Variants in TDRP observed in about 807,000 individuals in gnomAD.
The protein encoded by TDRP is testis development-related protein.
A neutral mutation model predicts 10.5 loss-of-function variants in TDRP; 12 were observed. The ratio of observed to expected loss-of-function variants is 1.15; its 90% CI spans 0.73 to 1.86. The LOEUF (loss-of-function observed/expected upper bound fraction) is 1.86. Among genes scored for constraint, TDRP ranks in the 40% most tolerant of loss-of-function variants. The pLI, the probability that TDRP is intolerant of heterozygous loss-of-function variation, is 0.00. For missense variants in TDRP, 353 were observed against 229.2 expected (o/e 1.54, Z -3.49); for synonymous variants, 139 against 95.4 (o/e 1.46, Z -2.67).
intron 1 of TDRP, among the ~76,000 whole-genome samples, chr8:518,827 A>G (rs1801823323): frequency 6.6e-6 from 1 of 152,200 alleles, no homozygotes; most frequent in African/African-American, 2.4e-5. Context: ...TGAAATTCAT[A>G]CAAATTTATT....
chr8:506,075 C>A (rs1042971358), intron 1 of TDRP, among the ~76,000 whole-genome samples: 3 of 152,116 alleles, frequency 2.0e-5, no homozygotes, highest in African/African-American at 7.2e-5. Context: ...CTTTCCACTG[C>A]CACAAAGACA....
chr8:505,174 G>A (rs773331086), intron 1 of TDRP, among the ~76,000 whole-genome samples: 10 of 152,056 alleles, frequency 6.6e-5, no homozygotes, highest in Admixed American at 2.0e-4. Context: ...ACCTGCAAAC[G>A]GACCCACAGA....
Position 492,658 on chromosome 8 carries a change from G to C in TDRP, c.299C>G (p.Ser100Cys), listed in dbSNP as rs759881441. The C allele has an allele frequency of 8.7e-6, 14 of 1,613,886 alleles. No individual in the cohort carries two copies. The highest frequency in any genetic ancestry group is 4.0e-5 in the African/African-American group (3 of 74,936). ...ACCTTCAATTTCATCTGGTTTTTTA[G>C]ACTGTATATTCTGTTTTAAAACCAA... ...DNLVLKQNIQ[S>C]KKPDEIEGWE... The change falls in exon 3 of 3, where the codon TCT becomes TGT. Residue 100 changes from serine to cysteine, a missense_variant. Transcript: ENST00000324079.
intron 1 of TDRP, among the ~76,000 whole-genome samples, chr8:533,653 A>T (rs1802268066): frequency 1.3e-5 from 2 of 152,108 alleles, no homozygotes; most frequent in Admixed American, 1.3e-4. Flanking sequence ...ATTCTTCAAC[A>T]TTCAGCTAAG....
chr8:515,892 A>C (rs1801744761), intron 1 of TDRP, among the ~76,000 whole-genome samples: 1 of 152,182 alleles, frequency 6.6e-6, no homozygotes, highest in African/African-American at 2.4e-5. Flanking sequence ...GATTAGACCT[A>C]ACAAAAAATG....
At chr8:543,554 TA>T (rs550881118) in intron 1 of TDRP, among the ~76,000 whole-genome samples, 3,924 of 142,140 alleles carry the variant, frequency 0.028, 135 homozygotes, top group African/African-American at 0.085. Flanking sequence ...ATTCTGAAAT[TA>T]AAAAAAAAAA....
chr8:533,129 G>T (rs768183378), intron 1 of TDRP, among the ~76,000 whole-genome samples: 15 of 152,098 alleles, frequency 9.9e-5, no homozygotes, highest in Non-Finnish European at 1.8e-4. Flanking sequence ...TGTTCTTCCT[G>T]GTCTCAACCA....
intron 1 of TDRP, among the ~76,000 whole-genome samples, chr8:527,008 A>G (rs932284176): frequency 6.6e-6 from 1 of 152,168 alleles, no homozygotes; most frequent in African/African-American, 2.4e-5. Context: ...TAATCCCAGC[A>G]TTTTGGGAGG....
intron 1 of TDRP, among the ~76,000 whole-genome samples, chr8:500,041 G>C (rs1265454057): frequency 1.3e-5 from 2 of 152,120 alleles, no homozygotes; most frequent in Admixed American, 1.3e-4. Flanking sequence ...CTTAAAACTA[G>C]GATTCAATTC....
intron 1 of TDRP, among the ~76,000 whole-genome samples, chr8:542,630 C>T (rs202049929): frequency 6.6e-6 from 1 of 151,548 alleles, no homozygotes; most frequent in East Asian, 2.0e-4. Context: ...TTCAGAAGGC[C>T]GAGGAGGGCA....
At chr8:506,191 C>A (rs928179664) in intron 1 of TDRP, among the ~76,000 whole-genome samples, 2 of 152,208 alleles carry the variant, frequency 1.3e-5, no homozygotes, top group African/African-American at 4.8e-5. Context: ...AAAAAACACA[C>A]ATAGGATCTC....
chr8:506,683 G>T (rs1584860288), intron 1 of TDRP, among the ~76,000 whole-genome samples: 1 of 152,200 alleles, frequency 6.6e-6, no homozygotes, highest in African/African-American at 2.4e-5. Flanking sequence ...CTGTCACTCG[G>T]AGAGCAGCTT....
At chr8:499,443 G>A (rs141394435) in intron 1 of TDRP, among the ~76,000 whole-genome samples, 2 of 152,252 alleles carry the variant, frequency 1.3e-5, no homozygotes, top group East Asian at 3.9e-4. Context: ...TAGCACCTGG[G>A]TGGCTGCTGC....
At chr8:506,020 G>C (rs1801454342) in intron 1 of TDRP, among the ~76,000 whole-genome samples, 4 of 152,140 alleles carry the variant, frequency 2.6e-5, no homozygotes, top group Admixed American at 6.5e-5. Flanking sequence ...CTAATGGCTG[G>C]GGGTCTGGGT....
At chr8:536,485 T>C (rs1482094243) in intron 1 of TDRP, among the ~76,000 whole-genome samples, 1 of 152,228 alleles carries the variant, frequency 6.6e-6, no homozygotes, top group East Asian at 1.9e-4. Flanking sequence ...AAGCAACCTG[T>C]TTTTTCACCT....
chr8:544,942 C>T (rs1802600910), upstream of TDRP: 3 of 299,510 alleles, frequency 1.0e-5, no homozygotes, highest in Non-Finnish European at 1.6e-5. Context: ...CCGCCCCAAA[C>T]CCTCCCCAGG....
At position 544,797 on chromosome 8, in the gene TDRP, GC is replaced by G. The variant is rs1802593592; in HGVS notation, c.-41del. ...CGGCGTCCCTCCGTCCGTGCGTCGGGCTGTGGCTCCGCGTCCCTCCCGGCCG... is the reference window on the plus strand; with the variant it reads ...CGGCGTCCCTCCGTCCGTGCGTCGGGTGTGGCTCCGCGTCCCTCCCGGCCG... On this transcript the variant is annotated 5_prime_UTR_variant, in exon 1 of 3. Transcript: ENST00000324079. 10 of 1,214,148 alleles carry G rather than the reference GC, an allele frequency of 8.2e-6. No individual in the cohort carries two copies. Among genetic ancestry groups the G allele is most frequent in the Non-Finnish European group, 1.0e-5 (10 of 971,806 alleles). 75.2% of individuals were successfully genotyped at this position (1,214,148 alleles called of 1,614,324 possible).
At position 491,405 on chromosome 8, in the gene TDRP, T is replaced by A. The variant is rs1041166073; in HGVS notation, c.*994A>T. On this transcript the variant is annotated 3_prime_UTR_variant, in exon 3 of 3. Transcript: ENST00000324079. ...GCACCTGATACTGTGCAGGATCACA[T>A]TGTCAAGGACAGTAAGCAGACAGAA... 5 of 444,940 alleles carry A rather than the reference T, an allele frequency of 1.1e-5. No homozygotes were observed. The highest frequency in any genetic ancestry group is 3.5e-5 in the East Asian group (1 of 28,560). The allele number at this position is 444,940 out of a possible 1,614,324, so 27.6% of individuals were successfully genotyped here. A position where few individuals can be genotyped will look rare whatever the true frequency, so the allele number is the denominator to read the frequency against.
intron 1 of TDRP, among the ~76,000 whole-genome samples, chr8:505,953 C>G (rs1006748141): frequency 3.9e-5 from 6 of 152,118 alleles, no homozygotes; most frequent in African/African-American, 1.4e-4. Flanking sequence ...GACAGGGTCC[C>G]TAAGCAGCAG....
Sources: gnomAD v4.1 joint callset for allele counts (sites outside exome capture counted in the v4.1 genomes callset) on GRCh38, gnomAD v4.1.1 for gene constraint, MANE v1.5 for transcripts, NCBI Gene and HGNC (gene_info 2026-07-23, HGNC 2026-07-21) for gene names.